NRXN1: variants seen among roughly 807,000 people sequenced by gnomAD.
The protein encoded by NRXN1 is neurexin 1, also known as neurexin-1.
In NRXN1, 39 loss-of-function variants were observed where a neutral mutation model predicts 150.9. The ratio of observed to expected loss-of-function variants is 0.26; its 90% CI spans 0.20 to 0.34. NRXN1 has a LOEUF of 0.34. NRXN1 is among the 10% of genes least tolerant of loss of function. NRXN1 has a pLI of 1.00. For synonymous variants in NRXN1, 924 were observed against 757.0 expected (o/e 1.22, Z -3.62); for missense variants, 1,815 against 1,949.9 (o/e 0.93, Z 1.30).
chr2:50,953,517 G>C (rs955100778), intron 2 of NRXN1, among the ~76,000 whole-genome samples: 1 of 149,480 alleles, frequency 6.7e-6, no homozygotes, highest in African/African-American at 2.4e-5. Flanking sequence ...GCTACAACAA[G>C]AAAAAGTAGT....
intron 8 of NRXN1, among the ~76,000 whole-genome samples, chr2:50,604,287 T>C (rs1676746392): frequency 6.6e-6 from 1 of 152,154 alleles, no homozygotes; most frequent in South Asian, 2.1e-4. Context: ...CTGTTAAAAA[T>C]GCGGGTCTAC....
In NRXN1 at chr2:50,405,865, A is replaced by G. The variant is rs144177789; in HGVS notation, c.3364+59577T>C. ...AGCTAATTCTTAATGAGTATTTCTT[A>G]TTCTCCAGTCATTTTTGAAGGTGAT... On this transcript the variant is annotated intron_variant, in intron 17 of 22. Transcript: ENST00000401669. 3.9e-5 allele frequency among the ~76,000 whole-genome samples: 6 copies of G among 152,252 alleles called. No individual in the cohort carries two copies. The East Asian group carries it at 1.2e-3, about 29-fold the overall frequency.
intron 8 of NRXN1, among the ~76,000 whole-genome samples, chr2:50,565,596 A>G (rs566099396): frequency 2.0e-5 from 3 of 152,304 alleles, no homozygotes; most frequent in African/African-American, 7.2e-5. Flanking sequence ...ATGCACATAT[A>G]TATAAAATTT....
intron 2 of NRXN1, among the ~76,000 whole-genome samples, chr2:51,000,856 T>C (rs1369040576): frequency 1.3e-5 from 2 of 151,956 alleles, no homozygotes; most frequent in Non-Finnish European, 2.9e-5. Context: ...AGATGAGAAA[T>C]GACACAGAAA....
intron 2 of NRXN1, chr2:51,009,373 T>A (rs1232755207): frequency 1.3e-5 from 2 of 151,988 alleles, no homozygotes; most frequent in East Asian, 3.9e-4. Flanking sequence ...AAAATGAGCA[T>A]GCAAATCAAT....
intron 17 of NRXN1, among the ~76,000 whole-genome samples, chr2:50,385,126 AC>A (rs1185172017): frequency 6.6e-6 from 1 of 152,174 alleles, no homozygotes; most frequent in Non-Finnish European, 1.5e-5. Flanking sequence ...TAATCCAAAC[AC>A]CCCCAAGCTA....
rs368846342 is a variant in NRXN1, at chr2:50,030,053, G to T, written c.4128+23218C>A. ...TGTCTGGGTAACTATGTGTCAAGTG[G>T]GTAGCAGAGACAAAAGGACTGTAGA... On this transcript the variant is annotated intron_variant, in intron 21 of 22. Coordinates refer to ENST00000401669, the MANE Select transcript of NRXN1 (RefSeq NM_001330078.2). Among the ~76,000 whole-genome samples the T allele has an allele frequency of 2.0e-4, 30 of 152,214 alleles. No homozygotes were observed. In the South Asian group the frequency reaches 5.2e-3, roughly 26 times the overall value.
At chr2:50,160,670 T>G (rs140193110) in intron 18 of NRXN1, among the ~76,000 whole-genome samples, 1,886 of 152,120 alleles carry the variant, frequency 0.012, 16 homozygotes, top group Middle Eastern at 0.02. Flanking sequence ...AAAAAAAGAC[T>G]CAAGTGGATT....
intron 18 of NRXN1, among the ~76,000 whole-genome samples, chr2:50,097,996 G>T (rs772112188): frequency 5.3e-5 from 8 of 152,022 alleles, no homozygotes; most frequent in Non-Finnish European, 7.4e-5. Context: ...TAGAGACTCT[G>T]TTTACCAATT....
intron 5 of NRXN1, among the ~76,000 whole-genome samples, chr2:50,688,509 A>G (rs1299703116): frequency 6.6e-6 from 1 of 152,070 alleles, no homozygotes; most frequent in East Asian, 1.9e-4. Context: ...GTGGTGCAGG[A>G]CTGGGTGGGT....
At chr2:50,562,657 A>G (rs1048723244) in intron 8 of NRXN1, among the ~76,000 whole-genome samples, 15 of 152,144 alleles carry the variant, frequency 9.9e-5, no homozygotes, top group African/African-American at 3.6e-4. Flanking sequence ...CTTGCTCCAC[A>G]AAGAGTTAGT....
chr2:50,128,966 A>G (rs1470918218), intron 18 of NRXN1, among the ~76,000 whole-genome samples: 1 of 150,352 alleles, frequency 6.7e-6, no homozygotes, highest in African/African-American at 2.5e-5. Context: ...ATGAGCGACA[A>G]GAGTGAGACT....
At chr2:50,947,171 C>T (rs1690528368) in intron 2 of NRXN1, among the ~76,000 whole-genome samples, 1 of 151,988 alleles carries the variant, frequency 6.6e-6, no homozygotes, top group Non-Finnish European at 1.5e-5. Flanking sequence ...TTGAATCTCC[C>T]TTTGGAGCTA....
At chr2:50,703,811 A>G (rs1694081228) in intron 5 of NRXN1, among the ~76,000 whole-genome samples, 1 of 152,144 alleles carries the variant, frequency 6.6e-6, no homozygotes, top group Non-Finnish European at 1.5e-5. Flanking sequence ...ATCCTGTGAG[A>G]TTCATTATAC....
At chr2:50,697,017 T>TGTTA (rs1306933628) in intron 5 of NRXN1, among the ~76,000 whole-genome samples, 16 of 152,256 alleles carry the variant, frequency 1.1e-4, no homozygotes, top group Admixed American at 4.6e-4. Flanking sequence ...TTCAAGCACC[T>TGTTA]TAACAAACAA....
chr2:50,570,297 G>A (rs917055746), intron 8 of NRXN1, among the ~76,000 whole-genome samples: 3 of 152,114 alleles, frequency 2.0e-5, no homozygotes, highest in African/African-American at 7.2e-5. Flanking sequence ...AAATCCAGTG[G>A]AAGTAAAGTA....
At chr2:50,601,719 G>C (rs1316120560) in intron 8 of NRXN1, among the ~76,000 whole-genome samples, 1 of 152,104 alleles carries the variant, frequency 6.6e-6, no homozygotes, top group Non-Finnish European at 1.5e-5. Flanking sequence ...TGACCTGAAG[G>C]ATTTAAAAAC....
At chr2:50,337,448 A>C (rs990774690) in intron 17 of NRXN1, among the ~76,000 whole-genome samples, 1 of 152,164 alleles carries the variant, frequency 6.6e-6, no homozygotes, top group African/African-American at 2.4e-5. Flanking sequence ...CTTCCGTTTC[A>C]GTGACTTAAC....
At chr2:50,922,255 G>T (rs1363423745) in intron 4 of NRXN1, among the ~76,000 whole-genome samples, 1 of 151,780 alleles carries the variant, frequency 6.6e-6, no homozygotes, top group Non-Finnish European at 1.5e-5. Flanking sequence ...GTCATGCATG[G>T]ATGAAAAATG....
Sources: allele counts gnomAD v4.1 joint callset (sites outside exome capture counted in the v4.1 genomes callset), GRCh38; gene constraint gnomAD v4.1.1; transcripts MANE v1.5; gene names NCBI Gene and HGNC (gene_info 2026-07-23, HGNC 2026-07-21).